The following EBF1 variants were observed in gnomAD, a reference collection of about 807,000 sequenced individuals.
The protein encoded by EBF1 is EBF transcription factor 1, also known as transcription factor COE1.
Under a neutral mutation model 68.4 loss-of-function variants are expected in EBF1, and 10 were observed. That is an observed-to-expected ratio of 0.15 (90% CI 0.09 to 0.25). EBF1 has a LOEUF of 0.25. Among genes scored for constraint, EBF1 ranks in the 10% least tolerant of loss-of-function variants. The pLI is 1.00. For missense variants in EBF1, 509 were observed against 794.4 expected (o/e 0.64, Z 4.32); for synonymous variants, 298 against 299.8 (o/e 0.99, Z 0.06).
At chr5:158,717,147 A>T (rs1029502376) in intron 11 of EBF1, among the ~76,000 whole-genome samples, 15 of 152,362 alleles carry the variant, frequency 9.8e-5, no homozygotes, top group Middle Eastern at 6.8e-3. Flanking sequence ...AAATTTGTAA[A>T]AGGCATTATA....
chr5:158,806,956 A>G lies in EBF1; in HGVS notation c.779-10481T>C, dbSNP rs935366179. 3.9e-5 allele frequency among the ~76,000 whole-genome samples: 6 copies of G among 152,138 alleles called. No individual in the cohort carries two copies. The East Asian group carries it at 1.2e-3, about 29-fold the overall frequency. ...TAGCTACACGCAGCTATTTACATTT[A>G]ATTTTCAATTAATTAATATGAAATA... On this transcript the variant is annotated intron_variant, in intron 8 of 15. Transcript: ENST00000313708.
chr5:158,798,127 C>T (rs1200099833), intron 8 of EBF1, among the ~76,000 whole-genome samples: 4 of 152,152 alleles, frequency 2.6e-5, no homozygotes, highest in African/African-American at 9.7e-5. Context: ...AAAATATATG[C>T]AGTTTGGAAA....
intron 6 of EBF1, among the ~76,000 whole-genome samples, chr5:158,942,176 A>G (rs897625419): frequency 4.6e-5 from 7 of 152,198 alleles, no homozygotes; most frequent in African/African-American, 7.2e-5. Context: ...ACTTATTTTT[A>G]ATACTTTTAT....
At chr5:159,008,503 GTTTTC>G in intron 6 of EBF1, among the ~76,000 whole-genome samples, 1 of 149,854 alleles carries the variant, frequency 6.7e-6, no homozygotes, top group South Asian at 2.1e-4. Context: ...CTTTTTAAAC[GTTTTC>G]TTTTCTTTTT....
intron 6 of EBF1, among the ~76,000 whole-genome samples, chr5:158,852,433 A>G (rs2128001452): frequency 6.6e-6 from 1 of 152,258 alleles, no homozygotes; most frequent in East Asian, 1.9e-4. Context: ...TAATTTGAGC[A>G]ATGGATTTCA....
intron 6 of EBF1, among the ~76,000 whole-genome samples, chr5:158,990,291 G>A (rs934660942): frequency 6.6e-6 from 1 of 152,146 alleles, no homozygotes; most frequent in Admixed American, 6.5e-5. Flanking sequence ...AAGGCCTTGG[G>A]GCAACATTCA....
At chr5:158,723,562 T>G (rs540023404) in intron 11 of EBF1, among the ~76,000 whole-genome samples, 1 of 152,146 alleles carries the variant, frequency 6.6e-6, no homozygotes, top group East Asian at 1.9e-4. Flanking sequence ...TTACAGTCAA[T>G]GTGTATTGCG....
intron 10 of EBF1, among the ~76,000 whole-genome samples, chr5:158,763,587 T>C (rs2127625704): frequency 6.6e-6 from 1 of 152,226 alleles, no homozygotes; most frequent in Middle Eastern, 3.4e-3. Context: ...TTTGTAAACA[T>C]ATCACATATT....
At chr5:158,925,760 ACT>A (rs1809563135) in intron 6 of EBF1, among the ~76,000 whole-genome samples, 1 of 152,232 alleles carries the variant, frequency 6.6e-6, no homozygotes, top group African/African-American at 2.4e-5. Context: ...TACTTAAGCT[ACT>A]GTTATTTGGT....
intron 1 of EBF1, chr5:159,097,634 G>T (rs762354734): frequency 8.5e-6 from 2 of 235,044 alleles, no homozygotes; most frequent in Non-Finnish European, 8.4e-6. Flanking sequence ...GGCCAACTGC[G>T]AGTGCCCGGC....
intron 10 of EBF1, among the ~76,000 whole-genome samples, chr5:158,745,333 G>A (rs1013240611): frequency 3.3e-5 from 5 of 152,114 alleles, no homozygotes; most frequent in Admixed American, 6.5e-5. Context: ...AAAAATAATG[G>A]TGTAATTACT....
intron 5 of EBF1, among the ~76,000 whole-genome samples, chr5:159,076,891 T>A (rs952027502): frequency 6.6e-6 from 1 of 152,226 alleles, no homozygotes; most frequent in African/African-American, 2.4e-5. Context: ...CATGTGTATA[T>A]GGAATTCTGT....
At chr5:158,708,399 C>T (rs966111684) in intron 14 of EBF1, among the ~76,000 whole-genome samples, 2 of 152,168 alleles carry the variant, frequency 1.3e-5, no homozygotes, top group Admixed American at 1.3e-4. Flanking sequence ...ATTGTGGGGC[C>T]ACTGTGTGCC....
intron 6 of EBF1, among the ~76,000 whole-genome samples, chr5:159,045,218 G>GT (rs1209513472): frequency 3.3e-5 from 5 of 151,894 alleles, no homozygotes; most frequent in Non-Finnish European, 7.4e-5. Flanking sequence ...TTTTTTTAAT[G>GT]TTTTTTAAAT....
chr5:158,866,756 A>G, intron 6 of EBF1, among the ~76,000 whole-genome samples: 1 of 150,114 alleles, frequency 6.7e-6, no homozygotes, highest in East Asian at 2.0e-4. Flanking sequence ...GCAGTGACGA[A>G]TGATGGAAGA....
intron 6 of EBF1, among the ~76,000 whole-genome samples, chr5:158,935,048 T>C (rs1379515635): frequency 6.6e-6 from 1 of 152,220 alleles, no homozygotes. Context: ...TACACTACAT[T>C]TTTTAATCTA....
At chr5:158,747,598 A>G in intron 10 of EBF1, among the ~76,000 whole-genome samples, 1 of 152,226 alleles carries the variant, frequency 6.6e-6, no homozygotes, top group Middle Eastern at 3.2e-3. Context: ...CCCTGAAAGT[A>G]TCATGGACCA....
chr5:158,864,272 A>G (rs1056628657), intron 6 of EBF1, among the ~76,000 whole-genome samples: 1 of 151,228 alleles, frequency 6.6e-6, no homozygotes, highest in Non-Finnish European at 1.5e-5. Context: ...GCCACCTTAG[A>G]TATGAAGAGA....
At chr5:158,774,163 G>A (rs1301804697) in intron 10 of EBF1, among the ~76,000 whole-genome samples, 1 of 152,048 alleles carries the variant, frequency 6.6e-6, no homozygotes, top group Non-Finnish European at 1.5e-5. Context: ...CAAGGGCATG[G>A]CACATTAGCA....
Sources: allele counts gnomAD v4.1 joint callset (sites outside exome capture counted in the v4.1 genomes callset), GRCh38; gene constraint gnomAD v4.1.1; transcripts MANE v1.5; gene names NCBI Gene and HGNC (gene_info 2026-07-23, HGNC 2026-07-21).